Variants in TTC28 observed in about 807,000 individuals in gnomAD.
The protein encoded by TTC28 is tetratricopeptide repeat domain 28.
TTC28 carries 61 observed loss-of-function variants against 198.0 expected under a neutral mutation model. The ratio of observed to expected loss-of-function variants is 0.31; its 90% CI spans 0.25 to 0.38. The LOEUF (loss-of-function observed/expected upper bound fraction) is 0.38, where lower values mean the gene tolerates loss of function less well. Among genes scored for constraint, TTC28 ranks in the 10% least tolerant of loss-of-function variants. The pLI is 1.00. For missense variants in TTC28, 2,678 were observed against 3,164.0 expected (o/e 0.85, Z 3.69); for synonymous variants, 1,171 against 1,297.8 (o/e 0.90, Z 2.10).
At chr22:28,217,760 A>G (rs1927522673) in intron 5 of TTC28, among the ~76,000 whole-genome samples, 1 of 152,250 alleles carries the variant, frequency 6.6e-6, no homozygotes, top group Non-Finnish European at 1.5e-5. Context: ...TATGCAGTAC[A>G]TAACAATGTT....
At chr22:28,302,599 C>T (rs1297623779) in intron 3 of TTC28, among the ~76,000 whole-genome samples, 1 of 152,210 alleles carries the variant, frequency 6.6e-6, no homozygotes, top group African/African-American at 2.4e-5. Context: ...AGCCAATGGA[C>T]TAGCAAATGG....
chr22:28,372,173 C>G (rs1342337318), intron 2 of TTC28, among the ~76,000 whole-genome samples: 1 of 152,146 alleles, frequency 6.6e-6, no homozygotes, highest in African/African-American at 2.4e-5. Flanking sequence ...AATCAGGTAA[C>G]TCTGAATTGA....
At chr22:28,008,200 G>T (rs1361906856) in intron 14 of TTC28, 1 of 152,190 alleles carries the variant, frequency 6.6e-6, no homozygotes, top group East Asian at 1.9e-4. Context: ...TTTGCAAGGG[G>T]TATTTTACAA....
At position 27,983,071 on chromosome 22, in the gene TTC28, G is replaced by T. The variant is rs780074002; in HGVS notation, c.6596C>A (p.Ala2199Glu). ...KSNNPEDGVQ[A>E]PSSTAVFRAS... ...TCTGAAGACAGCAGTGCTGCTGGGC[G>T]CCTGAACGCCGTCTTCAGGGTTATT... The change falls in exon 23 of 23, where the codon GCG becomes GAG. Residue 2199 changes from alanine to glutamate, a missense_variant. This residue lies in a region of TTC28 where 622 missense variants were observed against 656.0 expected (regional missense o/e 0.95). Coordinates refer to ENST00000397906, the MANE Select transcript of TTC28 (RefSeq NM_001145418.2). 2 of 1,551,596 alleles carry T rather than the reference G, an allele frequency of 1.3e-6. No homozygotes were observed. The highest frequency in any genetic ancestry group is 2.7e-5 in the African/African-American group (2 of 73,018).
At chr22:28,519,899 TC>T (rs1349207113) in intron 2 of TTC28, among the ~76,000 whole-genome samples, 2 of 152,208 alleles carry the variant, frequency 1.3e-5, no homozygotes, top group African/African-American at 4.8e-5. Flanking sequence ...TGTAACACAT[TC>T]AAGTGTTGAC....
At chr22:28,183,907 A>G (rs1923946511) in intron 5 of TTC28, among the ~76,000 whole-genome samples, 1 of 152,230 alleles carries the variant, frequency 6.6e-6, no homozygotes, top group South Asian at 2.1e-4. Flanking sequence ...CCAGCCAGCT[A>G]TTAGTGGCAA....
chr22:28,160,070 G>A (rs1835910803), intron 6 of TTC28, among the ~76,000 whole-genome samples: 2 of 152,150 alleles, frequency 1.3e-5, no homozygotes, highest in African/African-American at 4.8e-5. Context: ...AAGGGTAGTG[G>A]GGGCACTGCA....
chr22:28,636,770 A>G (rs1488807910), intron 1 of TTC28, among the ~76,000 whole-genome samples: 2 of 152,176 alleles, frequency 1.3e-5, no homozygotes, highest in Non-Finnish European at 2.9e-5. Context: ...TATTTTGGAT[A>G]TTAACCCTTA....
intron 2 of TTC28, among the ~76,000 whole-genome samples, chr22:28,342,443 C>T (rs992239017): frequency 6.6e-6 from 1 of 152,136 alleles, no homozygotes; most frequent in Non-Finnish European, 1.5e-5. Flanking sequence ...GAGACCATCA[C>T]TTTCATTTTT....
chr22:28,273,939 A>G (rs561937990), intron 5 of TTC28, among the ~76,000 whole-genome samples: 2 of 152,314 alleles, frequency 1.3e-5, no homozygotes, highest in Admixed American at 6.5e-5. Context: ...CATAAATAGT[A>G]TATGTTTAAC....
intron 5 of TTC28, among the ~76,000 whole-genome samples, chr22:28,218,785 C>A (rs947970429): frequency 3.9e-5 from 6 of 151,934 alleles, no homozygotes; most frequent in African/African-American, 1.2e-4. Flanking sequence ...ATTTTTAAGT[C>A]AAACTGGCTC....
At chr22:28,087,374 T>C (rs1941646364) in intron 12 of TTC28, among the ~76,000 whole-genome samples, 1 of 152,110 alleles carries the variant, frequency 6.6e-6, no homozygotes, top group Non-Finnish European at 1.5e-5. Context: ...AATCAATAAA[T>C]GTAATCCAGT....
At chr22:28,242,619 A>G (rs1262400629) in intron 5 of TTC28, among the ~76,000 whole-genome samples, 1 of 152,320 alleles carries the variant, frequency 6.6e-6, no homozygotes, top group East Asian at 1.9e-4. Flanking sequence ...CATTTGTTCT[A>G]TATCTTAAGG....
At chr22:28,378,541 G>C (rs1489302706) in intron 2 of TTC28, among the ~76,000 whole-genome samples, 2 of 151,754 alleles carry the variant, frequency 1.3e-5, no homozygotes, top group Non-Finnish European at 2.9e-5. Context: ...CCAGATACTA[G>C]GGTGGCTGAG....
chr22:27,983,393 C>T lies in TTC28; in HGVS notation c.6274G>A (p.Gly2092Ser). Residue 2092 changes from glycine (G) to serine (S), a missense_variant, in exon 23 of 23, where the codon GGC becomes AGC. Physicochemically the swap from Gly to Ser is moderately conservative, Grantham distance 56. This residue lies in a region of TTC28 where 622 missense variants were observed against 656.0 expected (regional missense o/e 0.95). Transcript: ENST00000397906. Reference sequence around the variant, plus strand: ...TTGGAGCTCACCGAGACTCTCATGCCTCCGGCTGTCCCAGGTTGGGGTTGT... The same window carrying T: ...TTGGAGCTCACCGAGACTCTCATGCTTCCGGCTGTCCCAGGTTGGGGTTGT... ...HKQPQPGTAGGMRVSVSSKGS... is the reference protein window; with the variant it reads ...HKQPQPGTAGSMRVSVSSKGS... 1 of 1,551,206 alleles carries T rather than the reference C, an allele frequency of 6.4e-7. No individual in the cohort carries two copies. Among genetic ancestry groups the T allele is most frequent in the Non-Finnish European group, 8.7e-7 (1 of 1,147,022 alleles).
chr22:28,105,179 TG>T, intron 8 of TTC28, 99 bp downstream of exon 8: 1 of 1,262,588 alleles, frequency 7.9e-7, no homozygotes, highest in Non-Finnish European at 1.1e-6. Context: ...CACACAGAGG[TG>T]GCCATTCAAA....
chr22:28,219,876 C>T (rs1448201332), intron 5 of TTC28, among the ~76,000 whole-genome samples: 1 of 152,210 alleles, frequency 6.6e-6, no homozygotes, highest in African/African-American at 2.4e-5. Context: ...TCATCCTGAA[C>T]CATTTATCAC....
intron 5 of TTC28, among the ~76,000 whole-genome samples, chr22:28,237,887 G>C (rs994143121): frequency 1.3e-5 from 2 of 152,084 alleles, no homozygotes; most frequent in African/African-American, 2.4e-5. Context: ...CTGAATTCTG[G>C]GGGGAGAGTT....
At chr22:28,617,346 A>C (rs1224288948) in intron 2 of TTC28, among the ~76,000 whole-genome samples, 1 of 151,858 alleles carries the variant, frequency 6.6e-6, no homozygotes, top group Non-Finnish European at 1.5e-5. Context: ...AAAAAAAAAA[A>C]ATTAAGTTAG....
Sources: allele counts gnomAD v4.1 joint callset (sites outside exome capture counted in the v4.1 genomes callset), GRCh38; gene constraint gnomAD v4.1.1; regional missense constraint gnomAD v4.1.1; transcripts MANE v1.5; gene names NCBI Gene and HGNC (gene_info 2026-07-23, HGNC 2026-07-21).